The following ZNRF2 variants were observed in gnomAD, a reference collection of about 807,000 sequenced individuals.
ZNRF2 encodes the protein E3 ubiquitin-protein ligase ZNRF2.
In ZNRF2, 16 loss-of-function variants were observed where a neutral mutation model predicts 20.4. The ratio of observed to expected loss-of-function variants is 0.79; its 90% confidence interval spans 0.53 to 1.19. The LOEUF (loss-of-function observed/expected upper bound fraction) is 1.19. Ranked by LOEUF, ZNRF2 falls within the 50% of genes most tolerant of loss-of-function variation. The probability of loss-of-function intolerance (pLI) is 0.00; values close to 1 mark genes in which losing one functional copy is unlikely to be tolerated. For missense variants in ZNRF2, 363 were observed against 332.4 expected, an observed-to-expected ratio of 1.09 and a Z score of -0.72; for synonymous variants, 178 against 144.9, an observed-to-expected ratio of 1.23 and a Z score of -1.64.
rs1386091582 is a variant in ZNRF2 at position 30,284,970 on chromosome 7, G to A, written c.-388G>A. ...CAGCGGCCGCCCGAGAGGAGGCGGT[G>A]CCGAGATCGGGGGCGCCGAGCGCGG... On this transcript the variant is annotated 5_prime_UTR_variant, in exon 1 of 5. Transcript: ENST00000323037. 1 of 321,668 alleles carries A rather than the reference G, an allele frequency of 3.1e-6. No individual in the cohort carries two copies. Among genetic ancestry groups the A allele is most frequent in the South Asian group, 2.1e-5 (1 of 46,888 alleles). 19.9% of individuals were successfully genotyped at this position (321,668 alleles called of 1,614,324 possible).
chr7:30,293,279 T>C (rs1396607889), intron 1 of ZNRF2, among the ~76,000 whole-genome samples: 7 of 151,198 alleles, frequency 4.6e-5, no homozygotes, highest in East Asian at 1.9e-4. Flanking sequence ...GATGGAGTCT[T>C]GCTCTGTCAC....
At chr7:30,293,593 CTT>C (rs1427095086) in intron 1 of ZNRF2, among the ~76,000 whole-genome samples, 6 of 152,162 alleles carry the variant, frequency 3.9e-5, no homozygotes, top group Non-Finnish European at 8.8e-5. Flanking sequence ...CAAAGATACA[CTT>C]TTGTTCAAGG....
intron 1 of ZNRF2, among the ~76,000 whole-genome samples, chr7:30,320,331 A>T (rs1799449879): frequency 6.6e-6 from 1 of 152,208 alleles, no homozygotes; most frequent in Non-Finnish European, 1.5e-5. Flanking sequence ...CTATACAGAG[A>T]GAGATGAATC....
At chr7:30,335,717 G>T (rs1310856861) in intron 2 of ZNRF2, among the ~76,000 whole-genome samples, 1 of 152,116 alleles carries the variant, frequency 6.6e-6, no homozygotes, top group Non-Finnish European at 1.5e-5. Context: ...AAAATTGAAG[G>T]CAGAAAGATA....
chr7:30,363,182 G>C (rs529288222), intron 4 of ZNRF2, among the ~76,000 whole-genome samples: 2 of 152,058 alleles, frequency 1.3e-5, no homozygotes, highest in African/African-American at 2.4e-5. Flanking sequence ...GCAGTGAGCC[G>C]AGATCATGCC....
chr7:30,299,856 T>C (rs188832054), intron 1 of ZNRF2, among the ~76,000 whole-genome samples: 1 of 146,530 alleles, frequency 6.8e-6, no homozygotes, highest in African/African-American at 2.5e-5. Flanking sequence ...CTCGGCTCAC[T>C]ACGAGCTCTG....
chr7:30,315,542 A>G (rs1799356008), intron 1 of ZNRF2, among the ~76,000 whole-genome samples: 1 of 152,012 alleles, frequency 6.6e-6, no homozygotes, highest in Non-Finnish European at 1.5e-5. Flanking sequence ...GTTCCCTTAG[A>G]GTGCATTTGC....
chr7:30,293,329 A>G (rs1583564672), intron 1 of ZNRF2, among the ~76,000 whole-genome samples: 1 of 151,218 alleles, frequency 6.6e-6, no homozygotes. Flanking sequence ...GCTCACTGCA[A>G]CCTCTGCCTC....
rs1008156220 is a variant in ZNRF2, at chr7:30,285,534, C to T, written c.177C>T (p.Pro59=). ...CTCAGGTGCCCAGCGCGCACCAGCCCAGCGCCTCCGGCGGCGCCGCGGCGG... is the reference window on the plus strand; with the variant it reads ...CTCAGGTGCCCAGCGCGCACCAGCCTAGCGCCTCCGGCGGCGCCGCGGCGG... ...FPAQVPSAHQ[P]SASGGAAAAA... The change falls in exon 1 of 5, where the codon CCC becomes CCT. Residue 59 remains proline (P), a synonymous_variant. Coordinates refer to ENST00000323037, the MANE Select transcript of ZNRF2 (RefSeq NM_147128.4). 6.1e-6 allele frequency: 6 copies of T among 988,168 alleles called. No individual in the cohort carries two copies. Among genetic ancestry groups the T allele is most frequent in the Non-Finnish European group, 7.2e-6 (6 of 834,112 alleles). 61.2% of individuals were successfully genotyped at this position (988,168 alleles called of 1,614,324 possible).
chr7:30,295,441 G>A (rs1396555734), intron 1 of ZNRF2, among the ~76,000 whole-genome samples: 1 of 152,160 alleles, frequency 6.6e-6, no homozygotes, highest in African/African-American at 2.4e-5. Context: ...CAGGTACAGT[G>A]GCTTGCACCT....
chr7:30,346,700 A>C (rs1050025473), intron 2 of ZNRF2, among the ~76,000 whole-genome samples: 3 of 151,918 alleles, frequency 2.0e-5, no homozygotes, highest in Non-Finnish European at 4.4e-5. Flanking sequence ...CTCTATTCCT[A>C]TCTCTAATTC....
chr7:30,362,280 T>TA lies in ZNRF2; in HGVS notation c.672-91dup, dbSNP rs1304592338. On this transcript the variant is annotated intron_variant, in intron 3 of 4. Transcript: ENST00000323037. ...AATTTAAAATGCTCATTTTTTTCTGTAAAAAATATATTAAAGTCAAGTATT... is the reference window on the plus strand; with the variant it reads ...AATTTAAAATGCTCATTTTTTTCTGTAAAAAAATATATTAAAGTCAAGTATT... The TA allele has an allele frequency of 3.0e-5, 23 of 758,560 alleles. No homozygotes were observed. In the African/African-American group the frequency reaches 3.4e-4, roughly 11 times the overall value. The allele number at this position is 758,560 out of a possible 1,614,324, so 47.0% of individuals were successfully genotyped here.
In ZNRF2 at chr7:30,346,170, A is replaced by ATTTTTTTTTTTTTTTTTTTT. The variant is rs70980598; in HGVS notation, c.566-9543_566-9524dup. Among the ~76,000 whole-genome samples the ATTTTTTTTTTTTTTTTTTTT allele has an allele frequency of 1.3e-4, 3 of 23,678 alleles. 1 individual carries two copies. Among genetic ancestry groups the ATTTTTTTTTTTTTTTTTTTT allele is most frequent in the Non-Finnish European group, 2.0e-4 (2 of 10,190 alleles). 15.5% of individuals were successfully genotyped at this position (23,678 alleles called of 152,430 possible). A position where few individuals can be genotyped will look rare whatever the true frequency, so the allele number is the denominator to read the frequency against. ...TGTTTTTTTTTTTCTGTTAAGTCTG[A>ATTTTTTTTTTTTTTTTTTTT]TTTTTTTTTTTTTTTTTTTTTTTTT... On this transcript the variant is annotated intron_variant, in intron 2 of 4. Transcript: ENST00000323037.
intron 2 of ZNRF2, among the ~76,000 whole-genome samples, chr7:30,350,221 C>T (rs138594657): frequency 6.6e-6 from 1 of 151,980 alleles, no homozygotes; most frequent in South Asian, 2.1e-4. Context: ...ATTTTAGTTA[C>T]ATTTTCTTGG....
intron 2 of ZNRF2, among the ~76,000 whole-genome samples, chr7:30,354,297 T>C (rs1447760894): frequency 6.6e-6 from 1 of 152,162 alleles, no homozygotes; most frequent in East Asian, 1.9e-4. Context: ...TGCCCAGTAG[T>C]TAGCTCAAAT....
intron 4 of ZNRF2, among the ~76,000 whole-genome samples, chr7:30,363,987 C>T (rs541383996): frequency 7.9e-5 from 12 of 152,234 alleles, no homozygotes; most frequent in East Asian, 7.7e-4. Context: ...CAGTAACAGC[C>T]GGCTTTTCTA....
At chr7:30,301,783 T>A (rs911122637) in intron 1 of ZNRF2, among the ~76,000 whole-genome samples, 1 of 150,890 alleles carries the variant, frequency 6.6e-6, no homozygotes, top group African/African-American at 2.4e-5. Context: ...TATAACAATC[T>A]CCGAAAAGGT....
intron 2 of ZNRF2, among the ~76,000 whole-genome samples, chr7:30,324,133 A>C (rs190258397): frequency 5.5e-4 from 83 of 152,268 alleles, no homozygotes; most frequent in African/African-American, 1.8e-3. Flanking sequence ...ATCAGGCTTC[A>C]TGACAAGGAA....
At chr7:30,363,753 T>TA (rs1421139915) in intron 4 of ZNRF2, among the ~76,000 whole-genome samples, 1 of 151,370 alleles carries the variant, frequency 6.6e-6, no homozygotes, top group African/African-American at 2.5e-5. Context: ...GGTATTTTCA[T>TA]AGGGCTTTTT....
Sources: allele counts gnomAD v4.1 joint callset (sites outside exome capture counted in the v4.1 genomes callset), GRCh38; gene constraint gnomAD v4.1.1; transcripts MANE v1.5; gene names NCBI Gene and HGNC (gene_info 2026-07-23, HGNC 2026-07-21).